Variants in WDR27 observed in about 807,000 individuals in gnomAD.
The protein encoded by WDR27 is WD repeat domain 27.
WDR27 carries 100 observed loss-of-function variants against 114.4 expected under a neutral mutation model. The ratio of observed to expected loss-of-function variants is 0.87; its 90% confidence interval spans 0.74 to 1.03. The LOEUF (loss-of-function observed/expected upper bound fraction) is 1.03, where lower values mean the gene tolerates loss of function less well. Among genes scored for constraint, WDR27 ranks in the 50% least tolerant of loss-of-function variants. The pLI is 0.00. For synonymous variants in WDR27, 449 were observed against 423.1 expected, an observed-to-expected ratio of 1.06 and a Z score of -0.75; for missense variants, 1,129 against 1,092.9, an observed-to-expected ratio of 1.03 and a Z score of -0.47.
chr6:169,462,000 TA>T (rs1191931971), intron 25 of WDR27, among the ~76,000 whole-genome samples: 1 of 152,136 alleles, frequency 6.6e-6, no homozygotes, highest in African/African-American at 2.4e-5. Flanking sequence ...AAGAAAGTAC[TA>T]TTAACAATTG....
At chr6:169,494,055 T>G (rs543514779) in intron 25 of WDR27, among the ~76,000 whole-genome samples, 1 of 152,360 alleles carries the variant, frequency 6.6e-6, no homozygotes, top group South Asian at 2.1e-4. Flanking sequence ...TTGTTGTGTT[T>G]GTATATATGG....
At chr6:169,506,298 C>T (rs1791992149) in intron 25 of WDR27, among the ~76,000 whole-genome samples, 1 of 152,018 alleles carries the variant, frequency 6.6e-6, no homozygotes, top group Non-Finnish European at 1.5e-5. Context: ...AATCCGTATG[C>T]CATTAAGATA....
chr6:169,664,218 C>T lies in WDR27; in HGVS notation c.852G>A (p.Lys284=), dbSNP rs781042104. 1 of 1,612,976 alleles carries T rather than the reference C, an allele frequency of 6.2e-7. No homozygotes were observed. The highest frequency in any genetic ancestry group is 8.5e-7 in the Non-Finnish European group (1 of 1,179,306). Residue 284 remains lysine (K), a synonymous_variant, in exon 8 of 26, where the codon AAG becomes AAA. Transcript: ENST00000448612. ...CCCTTCTTGTGGAGAAAGTCTCTGT[C>T]TTCTTCCTTAGGTCAACCCGTGCCA... The part of the protein sequence containing the change: ...RRVARVDLRK[K]TETFSTRRVK...
chr6:169,477,563 C>G (rs1303498668), intron 25 of WDR27, among the ~76,000 whole-genome samples: 1 of 152,182 alleles, frequency 6.6e-6, no homozygotes, highest in Non-Finnish European at 1.5e-5. Context: ...CCCAGCCTCC[C>G]AAGTAGTTGG....
intron 25 of WDR27, among the ~76,000 whole-genome samples, chr6:169,525,197 A>G (rs1174755083): frequency 1.3e-5 from 2 of 152,198 alleles, no homozygotes; most frequent in Non-Finnish European, 2.9e-5. Flanking sequence ...ATCATCAGAT[A>G]AATGTACATT....
chr6:169,579,245 G>A (rs1199726781), intron 24 of WDR27, among the ~76,000 whole-genome samples: 2 of 152,220 alleles, frequency 1.3e-5, no homozygotes, highest in Non-Finnish European at 2.9e-5. Flanking sequence ...ATCATTTGAT[G>A]AGGCTGTAAT....
chr6:169,513,530 C>T (rs1793183833), intron 25 of WDR27, among the ~76,000 whole-genome samples: 2 of 152,006 alleles, frequency 1.3e-5, no homozygotes, highest in Middle Eastern at 3.4e-3. Flanking sequence ...AAGTAGGTCT[C>T]ATTTATCCAT....
intron 25 of WDR27, among the ~76,000 whole-genome samples, chr6:169,567,164 C>T (rs1164057002): frequency 1.3e-5 from 2 of 152,170 alleles, no homozygotes; most frequent in African/African-American, 2.4e-5. Flanking sequence ...CTGGGGTGAT[C>T]GGTGCTGCTG....
chr6:169,644,356 G>A (rs1363507436), intron 16 of WDR27, among the ~76,000 whole-genome samples: 2 of 151,500 alleles, frequency 1.3e-5, no homozygotes, highest in Non-Finnish European at 1.5e-5. Flanking sequence ...GAAAAGCCTA[G>A]TTCATACGAG....
At chr6:169,430,698 C>A in the WDR27 span, among the ~76,000 whole-genome samples, 2 of 152,208 alleles carry the variant, frequency 1.3e-5, no homozygotes, top group Non-Finnish European at 2.9e-5. Context: ...TTCTCTGGCA[C>A]AGAGCTGTCC....
Position 169,701,864 on chromosome 6 carries a change from C to T in WDR27, c.-321G>A, listed in dbSNP as rs561414225. On this transcript the variant is annotated 5_prime_UTR_variant, in exon 1 of 26. Transcript: ENST00000448612. Reference sequence around the variant, plus strand: ...TGCGCCCTAGGCACACGCCCCAGAGCAGCAGCTCGGGTTCGGCGCCGACTC... The same window carrying T: ...TGCGCCCTAGGCACACGCCCCAGAGTAGCAGCTCGGGTTCGGCGCCGACTC... 5.6e-5 allele frequency: 19 copies of T among 340,716 alleles called. No individual in the cohort carries two copies. Among genetic ancestry groups the T allele is most frequent in the Non-Finnish European group, 9.2e-5 (16 of 173,458 alleles). The allele number at this position is 340,716 out of a possible 1,614,324, so 21.1% of individuals were successfully genotyped here. A position where few individuals can be genotyped will look rare whatever the true frequency, so the allele number is the denominator to read the frequency against.
chr6:169,503,176 A>G (rs2115494232), intron 25 of WDR27, among the ~76,000 whole-genome samples: 1 of 152,316 alleles, frequency 6.6e-6, no homozygotes, highest in African/African-American at 2.4e-5. Context: ...CAGGAGGCCC[A>G]GCTGAGAATG....
intron 25 of WDR27, among the ~76,000 whole-genome samples, chr6:169,488,565 G>A (rs929705558): frequency 2.6e-5 from 4 of 152,184 alleles, no homozygotes; most frequent in African/African-American, 9.7e-5. Context: ...AGTGGATGCT[G>A]GTTTTGACCT....
At chr6:169,586,847 CAAAAAA>C (rs3029697) in intron 23 of WDR27, among the ~76,000 whole-genome samples, 32 of 32,056 alleles carry the variant, frequency 1.0e-3, no homozygotes, top group Non-Finnish European at 1.4e-3. Flanking sequence ...GACTCTGTCT[CAAAAAA>C]AAAAAAAAAA....
intron 25 of WDR27, among the ~76,000 whole-genome samples, chr6:169,507,865 T>G (rs541459529): frequency 1.3e-5 from 2 of 152,100 alleles, no homozygotes; most frequent in East Asian, 3.9e-4. Context: ...CATGTGGCAC[T>G]CTCACAGCTT....
At position 169,457,955 on chromosome 6, in the gene WDR27, G is replaced by A. The variant is rs750261064; in HGVS notation, c.2646-321C>T. Among the ~76,000 whole-genome samples, 12 of 131,894 alleles carry A rather than the reference G, an allele frequency of 9.1e-5. No homozygotes were observed. In the East Asian group the frequency reaches 1.3e-3, roughly 14 times the overall value. 86.5% of individuals were successfully genotyped at this position (131,894 alleles called of 152,430 possible). ...TCCAGGCAGAGCTGAGGAGCTGGCC[G>A]CAGGAGAGCACTCCTGACGGAGGAG... On this transcript the variant is annotated intron_variant, in intron 25 of 25. Coordinates refer to ENST00000448612, the MANE Select transcript of WDR27 (RefSeq NM_182552.5).
chr6:169,581,569 AT>A (rs1803430987), intron 24 of WDR27, among the ~76,000 whole-genome samples: 1 of 152,202 alleles, frequency 6.6e-6, no homozygotes, highest in Admixed American at 6.5e-5. Flanking sequence ...ATGTCGCAGT[AT>A]TATTTATAAT....
At chr6:169,553,669 C>T (rs1203291483) in intron 25 of WDR27, among the ~76,000 whole-genome samples, 2 of 152,124 alleles carry the variant, frequency 1.3e-5, no homozygotes, top group African/African-American at 4.8e-5. Context: ...GCTTTGAAGG[C>T]TAAATTGATA....
At chr6:169,478,299 A>G (rs761004015) in intron 25 of WDR27, among the ~76,000 whole-genome samples, 1 of 152,220 alleles carries the variant, frequency 6.6e-6, no homozygotes, top group African/African-American at 2.4e-5. Context: ...AAACAAATAA[A>G]TGCTACCACA....
Sources: allele counts gnomAD v4.1 joint callset (sites outside exome capture counted in the v4.1 genomes callset), GRCh38; gene constraint gnomAD v4.1.1; transcripts MANE v1.5; gene names NCBI Gene and HGNC (gene_info 2026-07-23, HGNC 2026-07-21).